The following DECR2 variants were observed in gnomAD, a reference collection of about 807,000 sequenced individuals.
DECR2 encodes the protein 2,4-dienoyl-CoA reductase 2.
In DECR2, 34 loss-of-function variants were observed where a neutral mutation model predicts 29.2. The observed-to-expected ratio is 1.16, with a 90% CI of 0.89 to 1.55. The LOEUF is 1.55. Among genes scored for constraint, DECR2 ranks in the 40% most tolerant of loss-of-function variants. DECR2 has a pLI of 0.00. For missense variants in DECR2, 485 were observed against 425.3 expected (o/e 1.14, Z -1.23); for synonymous variants, 224 against 182.7 (o/e 1.23, Z -1.82).
chr16:403,222 G>T (rs1377374639), intron 1 of DECR2, among the ~76,000 whole-genome samples: 2 of 151,406 alleles, frequency 1.3e-5, no homozygotes, highest in African/African-American at 4.9e-5. Flanking sequence ...GTGTCACCAT[G>T]TTGGTCAGGC....
chr16:407,918 C>T lies in DECR2; in HGVS notation c.337+358C>T, dbSNP rs575016277. 9.0e-4 allele frequency among the ~76,000 whole-genome samples: 126 copies of T among 140,494 alleles called. 2 individuals carry two copies. Among genetic ancestry groups the T allele is most frequent in the African/African-American group, 3.2e-3 (116 of 36,572 alleles). 92.2% of individuals were successfully genotyped at this position (140,494 alleles called of 152,430 possible). Reference sequence around the variant, plus strand: ...CTGTCTCCGGGCCTCTGTCTCCGGCCCCATCTCCGGCCCCCTGTCTCCGGG... The same window carrying T: ...CTGTCTCCGGGCCTCTGTCTCCGGCTCCATCTCCGGCCCCCTGTCTCCGGG... On this transcript the variant is annotated intron_variant, in intron 4 of 8. Transcript: ENST00000219481.
chr16:406,404 G>C lies in DECR2; in HGVS notation c.201+7G>C. On this transcript the variant is annotated splice_region_variant and intron_variant, in intron 3 of 8. Coordinates refer to ENST00000219481, the MANE Select transcript of DECR2 (RefSeq NM_020664.4). ...CCTGCCGCGAGTGCTGACGGTGAGAGGGCCTCTCCCATGGTCCCCTGTTCG... is the reference window on the plus strand; with the variant it reads ...CCTGCCGCGAGTGCTGACGGTGAGACGGCCTCTCCCATGGTCCCCTGTTCG... The C allele has an allele frequency of 1.2e-6, 2 of 1,607,756 alleles. No individual in the cohort carries two copies. The highest frequency in any genetic ancestry group is 1.7e-6 in the Non-Finnish European group (2 of 1,179,892).
chr16:405,401 G>T, intron 2 of DECR2: 2 of 642,970 alleles, frequency 3.1e-6, no homozygotes, highest in South Asian at 3.9e-5. Context: ...GTTAGGCTGG[G>T]GTGGGGGAAA....
rs1244559654 is a variant in DECR2, at chr16:410,173, A to T, written c.338-70A>T. On this transcript the variant is annotated intron_variant, in intron 4 of 8. Coordinates refer to ENST00000219481, the MANE Select transcript of DECR2 (RefSeq NM_020664.4). The surrounding 1 kb of genome is among the most constrained non-coding windows in gnomAD (Gnocchi z 4.1). ...CCCTCCTGCACCCTCCGCTCTGCCCACCTGGCCACCACCCACTTGGCATCC... is the reference window on the plus strand; with the variant it reads ...CCCTCCTGCACCCTCCGCTCTGCCCTCCTGGCCACCACCCACTTGGCATCC... The T allele has an allele frequency of 2.5e-6, 4 of 1,568,892 alleles. No homozygotes were observed. In the East Asian group the frequency reaches 7.1e-5, roughly 28 times the overall value.
chr16:411,282 C>T, intron 7 of DECR2, 79 bp from the exon 8 acceptor site: 3 of 1,422,632 alleles, frequency 2.1e-6, no homozygotes, highest in Admixed American at 4.0e-5. Flanking sequence ...CCAGATGCCT[C>T]TCAGGGAATG....
Position 410,481 on chromosome 16 carries a change from G to A in DECR2, c.462+114G>A. The A allele has an allele frequency of 6.6e-7, 1 of 1,514,646 alleles. No individual in the cohort carries two copies. The highest frequency in any genetic ancestry group is 8.9e-7 in the Non-Finnish European group (1 of 1,120,332). 93.8% of individuals were successfully genotyped at this position (1,514,646 alleles called of 1,614,324 possible). Reference sequence around the variant, plus strand: ...CGCTCTGTGAGAAGTTCTTCCGGGTGGGTGTACTCCCAGCGGGGGCCTCCC... The same window carrying A: ...CGCTCTGTGAGAAGTTCTTCCGGGTAGGTGTACTCCCAGCGGGGGCCTCCC... On this transcript the variant is annotated intron_variant, in intron 5 of 8. Coordinates refer to ENST00000219481, the MANE Select transcript of DECR2 (RefSeq NM_020664.4). The surrounding 1 kb of genome is among the most constrained non-coding windows in gnomAD (Gnocchi z 4.1).
Position 402,037 on chromosome 16 carries a change from T to C in DECR2, c.74T>C (p.Leu25Pro). 6.9e-7 allele frequency: 1 copy of C among 1,445,454 alleles called. No individual in the cohort carries two copies. 89.5% of individuals were successfully genotyped at this position (1,445,454 alleles called of 1,614,324 possible). ...TACCGCCACCTCTTCTGCCCGGACC[T>C]GCTGCGGTGAGCGGGGCCTGGGAAG... Reference protein sequence around the residue: ...PAYRHLFCPDLLRDKVAFITG... With the variant: ...PAYRHLFCPDPLRDKVAFITG... The change falls in exon 1 of 9, where the codon CTG becomes CCG. Residue 25 changes from leucine to proline, a missense_variant. Transcript: ENST00000219481.
At chr16:403,069 T>C in intron 1 of DECR2, 4 of 979,896 alleles carry the variant, frequency 4.1e-6, no homozygotes, top group Non-Finnish European at 4.8e-6. Flanking sequence ...AAAAAGTTTT[T>C]TTTCGAAACG....
chr16:408,834 C>CT (rs11418835), intron 4 of DECR2, among the ~76,000 whole-genome samples: 79,159 of 140,500 alleles, frequency 0.56, 23,119 homozygotes, highest in African/African-American at 0.75. Flanking sequence ...CCTGGCCTAG[C>CT]TTTTTTTTTT....
At position 410,655 on chromosome 16, in the gene DECR2, C is replaced by A. The variant is rs374884091; in HGVS notation, c.463-36C>A. 3.3e-5 allele frequency: 51 copies of A among 1,559,014 alleles called. No homozygotes were observed. The highest frequency in any genetic ancestry group is 4.4e-5 in the Non-Finnish European group (51 of 1,149,078). Reference sequence around the variant, plus strand: ...ACTGTCCTGTGACCTCCCCCGACACCCGCCCGCTCACTGCCCCGGGCCTTG... The same window carrying A: ...ACTGTCCTGTGACCTCCCCCGACACACGCCCGCTCACTGCCCCGGGCCTTG... On this transcript the variant is annotated intron_variant, in intron 5 of 8. Coordinates refer to ENST00000219481, the MANE Select transcript of DECR2 (RefSeq NM_020664.4). The surrounding 1 kb of genome is among the most constrained non-coding windows in gnomAD (Gnocchi z 4.1).
chr16:411,251 C>G, intron 7 of DECR2, 110 bp from the exon 8 acceptor site: 3 of 1,255,180 alleles, frequency 2.4e-6, no homozygotes, highest in Non-Finnish European at 3.3e-6. Context: ...CTTGGTGACA[C>G]TGACTGTGTC....
chr16:410,105 C>A lies in DECR2; in HGVS notation c.338-138C>A. ...TGCTCTGGTCATTTTGGAATTTATC[C>A]TAGGGCATGGGTCTCCTCCCTGTGC... On this transcript the variant is annotated intron_variant, in intron 4 of 8. Transcript: ENST00000219481. This position sits in a 1 kb window ranked among gnomAD's most constrained non-coding sequence, Gnocchi z 4.1. 7.9e-7 allele frequency: 1 copy of A among 1,272,972 alleles called. No homozygotes were observed. The highest frequency in any genetic ancestry group is 1.1e-6 in the Non-Finnish European group (1 of 942,384). The allele number at this position is 1,272,972 out of a possible 1,614,324, so 78.9% of individuals were successfully genotyped here. A position where few individuals can be genotyped will look rare whatever the true frequency, so the allele number is the denominator to read the frequency against.
At chr16:408,267 C>T (rs540033153) in intron 4 of DECR2, among the ~76,000 whole-genome samples, 11 of 149,838 alleles carry the variant, frequency 7.3e-5, no homozygotes, top group South Asian at 6.4e-4. Flanking sequence ...GTCTCTGGGC[C>T]TCTGTCTCCG....
chr16:404,480 T>C (rs1000052107), intron 1 of DECR2, among the ~76,000 whole-genome samples: 16 of 151,996 alleles, frequency 1.1e-4, no homozygotes, highest in Non-Finnish European at 2.2e-4. Flanking sequence ...CCTCAGGTGA[T>C]CCGCCCGCCT....
chr16:410,543 A>ACGGCCGCCCGCTCC lies in DECR2; in HGVS notation c.463-148_463-147insCGGCCGCCCGCTCC, dbSNP rs2054802520. ...CCCGCTCCCTGCCCTGGGCCTCCCC[A>ACGGCCGCCCGCTCC]TGACGGCCGCCCGCTCCCTGCCCTG... On this transcript the variant is annotated intron_variant, in intron 5 of 8. Transcript: ENST00000219481. The surrounding 1 kb of genome is among the most constrained non-coding windows in gnomAD (Gnocchi z 4.1). 11 of 999,266 alleles carry ACGGCCGCCCGCTCC rather than the reference A, an allele frequency of 1.1e-5. No individual in the cohort carries two copies. The highest frequency in any genetic ancestry group is 1.6e-5 in the Non-Finnish European group (11 of 692,968). The allele number at this position is 999,266 out of a possible 1,614,324, so 61.9% of individuals were successfully genotyped here. A position where few individuals can be genotyped will look rare whatever the true frequency, so the allele number is the denominator to read the frequency against.
intron 1 of DECR2, among the ~76,000 whole-genome samples, chr16:403,279 C>G (rs2054688742): frequency 6.6e-6 from 1 of 152,140 alleles, no homozygotes; most frequent in African/African-American, 2.4e-5. Context: ...CTCGGCCTCC[C>G]AAAGTGCTGG....
chr16:406,719 C>G, intron 3 of DECR2: 1 of 597,562 alleles, frequency 1.7e-6, no homozygotes, highest in Non-Finnish European at 2.6e-6. Flanking sequence ...AGGCTGGTCT[C>G]GAATTCCTGA....
chr16:402,273 C>G (rs2054676328), intron 1 of DECR2, among the ~76,000 whole-genome samples: 1 of 151,558 alleles, frequency 6.6e-6, no homozygotes, highest in Non-Finnish European at 1.5e-5. Context: ...CTCCCGGGTT[C>G]AAGCGATTCT....
At chr16:411,318 G>A (rs1235272532) in intron 7 of DECR2, 43 bp from the exon 8 acceptor site, 2 of 1,563,050 alleles carry the variant, frequency 1.3e-6, no homozygotes, top group Non-Finnish European at 1.7e-6. Flanking sequence ...GAGGGTGCTG[G>A]GTCTTGGGGC....
Sources: gnomAD v4.1 joint callset for allele counts (sites outside exome capture counted in the v4.1 genomes callset) on GRCh38, gnomAD v4.1.1 for gene constraint, Gnocchi (gnomAD v3.1) non-coding constraint, MANE v1.5 for transcripts, NCBI Gene and HGNC (gene_info 2026-07-23, HGNC 2026-07-21) for gene names.